Variants in CHM observed in about 807,000 individuals in gnomAD.
The protein encoded by CHM is rab proteins geranylgeranyltransferase component A 1.
A neutral mutation model predicts 49.0 loss-of-function variants in CHM; 10 were observed. The observed-to-expected ratio is 0.20, with a 90% CI of 0.13 to 0.35. The LOEUF is 0.35. Ranked by LOEUF, CHM falls within the 10% of genes least tolerant of loss-of-function variation. The pLI, the probability that CHM is intolerant of heterozygous loss-of-function variation, is 1.00. For synonymous variants in CHM, 184 were observed against 167.5 expected (o/e 1.10, Z -0.76); for missense variants, 455 against 478.4 (o/e 0.95, Z 0.46).
At chrX:85,932,353 A>G (rs780579783) in intron 8 of CHM, among the ~76,000 whole-genome samples, 1 of 112,523 alleles carries the variant, frequency 8.9e-6, no homozygotes, top group East Asian at 2.8e-4. Context: ...ACAAGCATCA[A>G]TGTGTTTATT....
Position 86,010,320 on chromosome X carries a change from T to C in CHM, c.116+17171A>G, listed in dbSNP as rs1326518456. Among the ~76,000 whole-genome samples, 2 of 104,962 alleles carry C rather than the reference T, an allele frequency of 1.9e-5. 1 individual carries two copies. The highest frequency in any genetic ancestry group is 9.0e-3 in the Middle Eastern group (2 of 222). The allele number at this position is 104,962 out of a possible 115,157, so 91.1% of individuals were successfully genotyped here. ...TATACCTATGTAACAAACCTGCATG[T>C]TGCGCACATGTACCCTAGAACTTAA... On this transcript the variant is annotated intron_variant, in intron 2 of 14. Coordinates refer to ENST00000357749, the MANE Select transcript of CHM (RefSeq NM_000390.4).
At chrX:85,891,332 G>A (rs987706259) in intron 12 of CHM, among the ~76,000 whole-genome samples, 22 of 111,909 alleles carry the variant, frequency 2.0e-4, no homozygotes, top group African/African-American at 5.9e-4. Flanking sequence ...TCCAGGCCAC[G>A]TCAGAGACCT....
intron 5 of CHM, among the ~76,000 whole-genome samples, chrX:85,963,364 G>A (rs948359919): frequency 3.6e-5 from 4 of 112,355 alleles, no homozygotes; most frequent in African/African-American, 1.3e-4. Context: ...TTTCTAAACA[G>A]GTTCATTAGA....
chrX:85,899,398 A>G (rs1167301014), intron 11 of CHM, among the ~76,000 whole-genome samples: 1 of 111,381 alleles, frequency 9.0e-6, no homozygotes, highest in East Asian at 2.8e-4. Context: ...GTCTTTTCCT[A>G]CCAGATTTTT....
intron 2 of CHM, among the ~76,000 whole-genome samples, chrX:85,991,819 C>G (rs912448409): frequency 9.0e-6 from 1 of 110,723 alleles, no homozygotes; most frequent in African/African-American, 3.3e-5. Flanking sequence ...GAAACGCTGG[C>G]TTAATCCATG....
chrX:85,955,306 A>C (rs372655247), intron 8 of CHM, among the ~76,000 whole-genome samples: 1 of 111,963 alleles, frequency 8.9e-6, no homozygotes, highest in South Asian at 3.7e-4. Context: ...TCCATTTACC[A>C]TGATGGATTA....
chrX:85,937,641 C>T (rs930664314), intron 8 of CHM, among the ~76,000 whole-genome samples: 3 of 109,047 alleles, frequency 2.8e-5, no homozygotes, highest in African/African-American at 6.7e-5. Context: ...GTCAGGAGTG[C>T]GAGACCAGCC....
intron 2 of CHM, among the ~76,000 whole-genome samples, chrX:86,001,342 C>T (rs1252263787): frequency 2.9e-5 from 3 of 101,931 alleles, no homozygotes; most frequent in African/African-American, 1.0e-4. Context: ...TAAATCATGA[C>T]ATGTTCATCT....
intron 2 of CHM, among the ~76,000 whole-genome samples, chrX:86,021,126 G>GTGTATA (rs1555967708): frequency 4.3e-4 from 24 of 55,958 alleles, no homozygotes; most frequent in African/African-American, 1.8e-3. Context: ...GTGTATATAC[G>GTGTATA]TATATATATA....
chrX:86,005,775 T>C (rs62607863), intron 2 of CHM, among the ~76,000 whole-genome samples: 19,340 of 110,928 alleles, frequency 0.17, 1,554 homozygotes, highest in Non-Finnish European at 0.25. Context: ...TAATTAATAG[T>C]CTACCAACCA....
At chrX:85,990,436 C>T (rs1036580413) in intron 2 of CHM, among the ~76,000 whole-genome samples, 5 of 111,304 alleles carry the variant, frequency 4.5e-5, no homozygotes, top group South Asian at 3.8e-4. Flanking sequence ...CCCCATCACA[C>T]GAGTTTACCT....
At position 85,910,377 on chromosome X, in the gene CHM, C is replaced by CA. The variant is rs370475227; in HGVS notation, c.1244+883dup. Among the ~76,000 whole-genome samples, 320 of 111,176 alleles carry CA rather than the reference C, an allele frequency of 2.9e-3. 1 individual carries two copies. The highest frequency in any genetic ancestry group is 9.6e-3 in the African/African-American group (295 of 30,724). On this transcript the variant is annotated intron_variant, in intron 9 of 14. Coordinates refer to ENST00000357749, the MANE Select transcript of CHM (RefSeq NM_000390.4). ...TTAACTATATACTCCTAAAAACAAT[C>CA]ATCTAAGAAATACAGGTCAGTAGAT...
At chrX:85,889,526 G>A (rs1359846618) in intron 12 of CHM, among the ~76,000 whole-genome samples, 2 of 111,611 alleles carry the variant, frequency 1.8e-5, no homozygotes, top group African/African-American at 3.3e-5. Context: ...CAGTCAGAAC[G>A]GCTATTATTA....
At chrX:85,959,565 T>C (rs1412057295) in intron 5 of CHM, among the ~76,000 whole-genome samples, 1 of 111,323 alleles carries the variant, frequency 9.0e-6, no homozygotes, top group African/African-American at 3.3e-5. Flanking sequence ...ATAAGGTACT[T>C]CTGTAATTCT....
intron 2 of CHM, among the ~76,000 whole-genome samples, chrX:86,005,153 C>T (rs1341060364): frequency 8.9e-6 from 1 of 111,978 alleles, no homozygotes; most frequent in African/African-American, 3.3e-5. Context: ...CAACTTGCTC[C>T]TGAATGACTA....
chrX:86,038,353 T>C (rs1403967442), intron 1 of CHM, among the ~76,000 whole-genome samples: 11 of 111,718 alleles, frequency 9.8e-5, no homozygotes, highest in African/African-American at 3.6e-4. Flanking sequence ...CATTTGTCTC[T>C]TAACTAACTA....
intron 1 of CHM, among the ~76,000 whole-genome samples, chrX:86,039,510 CAAAAAAAAA>C (rs769393073): frequency 2.5e-5 from 1 of 40,209 alleles, no homozygotes; most frequent in Non-Finnish European, 4.8e-5. Flanking sequence ...TGGCCTAGAC[CAAAAAAAAA>C]AAAAAAAAAA....
At chrX:85,944,066 A>G (rs778068171) in intron 8 of CHM, among the ~76,000 whole-genome samples, 3 of 111,786 alleles carry the variant, frequency 2.7e-5, no homozygotes, top group Non-Finnish European at 3.8e-5. Context: ...TTCCATCTCA[A>G]TGTTGCTCTG....
chrX:85,942,606 G>A (rs1929175322), intron 8 of CHM, among the ~76,000 whole-genome samples: 1 of 110,904 alleles, frequency 9.0e-6, no homozygotes, highest in Non-Finnish European at 1.9e-5. Flanking sequence ...TTCAATAATC[G>A]AGCTTCACAC....
Sources: gnomAD v4.1 joint callset for allele counts (sites outside exome capture counted in the v4.1 genomes callset) on GRCh38, gnomAD v4.1.1 for gene constraint, MANE v1.5 for transcripts, NCBI Gene and HGNC (gene_info 2026-07-23, HGNC 2026-07-21) for gene names.